The following PPP1R1C variants were observed in gnomAD, a reference collection of about 807,000 sequenced individuals.
The protein encoded by PPP1R1C is protein phosphatase 1 regulatory subunit 1C.
A neutral mutation model predicts 17.4 loss-of-function variants in PPP1R1C; 15 were observed. That is an observed-to-expected ratio of 0.86 (90% CI 0.58 to 1.33). PPP1R1C has a LOEUF of 1.33. Ranked by LOEUF, PPP1R1C falls within the 40% of genes most tolerant of loss-of-function variation. The pLI is 0.00. For synonymous variants in PPP1R1C, 35 were observed against 43.1 expected (o/e 0.81, Z 0.73); for missense variants, 143 against 130.0 (o/e 1.10, Z -0.48).
chr2:182,046,583 A>C (rs1297774540), intron 2 of PPP1R1C, among the ~76,000 whole-genome samples: 1 of 149,970 alleles, frequency 6.7e-6, no homozygotes, highest in African/African-American at 2.5e-5. Context: ...AAAAAAAAAT[A>C]CTAAAAGTAG....
intron 4 of PPP1R1C, among the ~76,000 whole-genome samples, chr2:182,067,459 G>A (rs1688016961): frequency 6.6e-6 from 1 of 152,030 alleles, no homozygotes. Flanking sequence ...GGTGGAAGAT[G>A]AAAGTGGCAA....
At chr2:181,986,294 C>T in intron 1 of PPP1R1C, 103 bp downstream of exon 1, 1 of 915,014 alleles carries the variant, frequency 1.1e-6, no homozygotes, top group Non-Finnish European at 1.8e-6. Flanking sequence ...TTTGCTAACT[C>T]TGACTTTCAA....
chr2:182,098,072 G>A (rs926113903), intron 4 of PPP1R1C, among the ~76,000 whole-genome samples: 2 of 151,392 alleles, frequency 1.3e-5, no homozygotes, highest in African/African-American at 4.9e-5. Flanking sequence ...TCTTTTACAC[G>A]TGTAATAATC....
At chr2:182,029,464 A>C in intron 2 of PPP1R1C, among the ~76,000 whole-genome samples, 1 of 149,784 alleles carries the variant, frequency 6.7e-6, no homozygotes, top group East Asian at 2.0e-4. Flanking sequence ...TTTCTCCTTC[A>C]CTTATGAATC....
At chr2:182,062,790 A>G (rs1016913271) in intron 3 of PPP1R1C, among the ~76,000 whole-genome samples, 3 of 152,120 alleles carry the variant, frequency 2.0e-5, no homozygotes, top group South Asian at 2.1e-4. Flanking sequence ...TTTGTACATT[A>G]TGTTCTTGCT....
chr2:182,039,038 G>A (rs1687102769), intron 2 of PPP1R1C, among the ~76,000 whole-genome samples: 1 of 152,158 alleles, frequency 6.6e-6, no homozygotes, highest in African/African-American at 2.4e-5. Context: ...TTGAGTACGA[G>A]TTTGGAGTAG....
At position 182,038,574 on chromosome 2, in the gene PPP1R1C, T is replaced by C. The variant is rs182108149; in HGVS notation, c.143-22868T>C. On this transcript the variant is annotated intron_variant, in intron 2 of 4. Transcript: ENST00000682840. ...AGGAGATCCTGACAAGCCATTTAGA[T>C]AGGTTGAAACCCTTCAAGATTAGCT... Among the ~76,000 whole-genome samples, 14 of 152,308 alleles carry C rather than the reference T, an allele frequency of 9.2e-5. No homozygotes were observed. The East Asian group carries it at 2.7e-3, about 29-fold the overall frequency.
chr2:182,125,293 C>T (rs559825342), intron 5 of PPP1R1C, among the ~76,000 whole-genome samples: 4 of 152,152 alleles, frequency 2.6e-5, no homozygotes, highest in South Asian at 2.1e-4. Context: ...CTGCTGGATT[C>T]GGTTTGGCAG....
In PPP1R1C at chr2:181,961,493, G is replaced by A. The variant is rs367758642; in HGVS notation, n.111+6859G>A. The A allele has an allele frequency of 1.7e-5, 19 of 1,126,294 alleles. No individual in the cohort carries two copies. Among genetic ancestry groups the A allele is most frequent in the African/African-American group, 9.2e-5 (6 of 65,512 alleles). 69.8% of individuals were successfully genotyped at this position (1,126,294 alleles called of 1,614,324 possible). A position where few individuals can be genotyped will look rare whatever the true frequency, so the allele number is the denominator to read the frequency against. ...AGCTGCTCCATCTGCAGGGTGTAGC[G>A]GGCCTCCACCTCCCTCAGGCTGTTC... is the stretch of plus-strand genomic sequence containing the variant. On this transcript the variant is annotated intron_variant and non_coding_transcript_variant, in intron 1 of 5. Coordinates refer to the PPP1R1C transcript ENST00000464264. The surrounding 1 kb of genome is among the most constrained non-coding windows in gnomAD (Gnocchi z 5.8).
chr2:182,073,826 G>A (rs1186613105), intron 4 of PPP1R1C, among the ~76,000 whole-genome samples: 1 of 152,124 alleles, frequency 6.6e-6, no homozygotes, highest in Non-Finnish European at 1.5e-5. Flanking sequence ...CTGTGGGGTG[G>A]GGGCAGAAAC....
At chr2:182,038,094 G>T (rs992550299) in intron 2 of PPP1R1C, among the ~76,000 whole-genome samples, 3 of 152,022 alleles carry the variant, frequency 2.0e-5, no homozygotes, top group Non-Finnish European at 2.9e-5. Flanking sequence ...CTGGAGTGCA[G>T]TGGCCTGATC....
chr2:182,035,642 G>C (rs1686980817), intron 2 of PPP1R1C, among the ~76,000 whole-genome samples: 1 of 152,046 alleles, frequency 6.6e-6, no homozygotes, highest in East Asian at 1.9e-4. Context: ...GTTTGAAAGT[G>C]TGTAGCACCT....
intron 4 of PPP1R1C, among the ~76,000 whole-genome samples, chr2:182,086,354 T>C (rs1260249469): frequency 6.6e-6 from 1 of 152,156 alleles, no homozygotes; most frequent in Non-Finnish European, 1.5e-5. Context: ...CAAAGCAATC[T>C]ACCAATTTTG....
At chr2:182,074,103 G>T (rs1346717176) in intron 4 of PPP1R1C, among the ~76,000 whole-genome samples, 1 of 148,848 alleles carries the variant, frequency 6.7e-6, no homozygotes, top group Non-Finnish European at 1.5e-5. Context: ...GTGCAGTGGC[G>T]CGATCTCGGC....
In PPP1R1C at chr2:181,976,783, G is replaced by A. The variant is rs1041770282; in HGVS notation, n.157+1519G>A. On this transcript the variant is annotated intron_variant and non_coding_transcript_variant, in intron 2 of 5. Transcript: ENST00000464264. The surrounding 1 kb of genome is among the most constrained non-coding windows in gnomAD (Gnocchi z 4.8). Reference sequence around the variant, plus strand: ...TCCACTCTTGCTCTTGCTCTCTACTGTAAGGTCCCATGTTTGAAGGAGGCT... The same window carrying A: ...TCCACTCTTGCTCTTGCTCTCTACTATAAGGTCCCATGTTTGAAGGAGGCT... 2.6e-5 allele frequency among the ~76,000 whole-genome samples: 4 copies of A among 152,038 alleles called. No individual in the cohort carries two copies. The East Asian group carries it at 5.8e-4, about 22-fold the overall frequency.
At chr2:182,127,294 T>C (rs1045062019) in intron 5 of PPP1R1C, among the ~76,000 whole-genome samples, 1 of 152,068 alleles carries the variant, frequency 6.6e-6, no homozygotes, top group African/African-American at 2.4e-5. Context: ...TTCTGGTCTA[T>C]GGCCCTCATT....
At chr2:182,014,762 A>G (rs780584807) in intron 2 of PPP1R1C, among the ~76,000 whole-genome samples, 1 of 151,578 alleles carries the variant, frequency 6.6e-6, no homozygotes, top group Non-Finnish European at 1.5e-5. Context: ...GCTGCAAAAC[A>G]AAGTCCTTCC....
At chr2:182,022,216 C>T (rs181486849) in intron 2 of PPP1R1C, among the ~76,000 whole-genome samples, 5 of 152,142 alleles carry the variant, frequency 3.3e-5, no homozygotes, top group Non-Finnish European at 7.4e-5. Flanking sequence ...TGGTTAACAC[C>T]ATCTTCACCT....
chr2:182,028,081 G>A (rs1454366131), intron 2 of PPP1R1C, among the ~76,000 whole-genome samples: 55 of 136,780 alleles, frequency 4.0e-4, no homozygotes, highest in African/African-American at 1.5e-3. Flanking sequence ...TTTTTATTGT[G>A]TCTATTTGAT....
Sources: gnomAD v4.1 joint callset for allele counts (sites outside exome capture counted in the v4.1 genomes callset) on GRCh38, gnomAD v4.1.1 for gene constraint, Gnocchi (gnomAD v3.1) non-coding constraint, MANE v1.5 for transcripts, NCBI Gene and HGNC (gene_info 2026-07-23, HGNC 2026-07-21) for gene names.